The following PTPRD variants were observed in gnomAD, a reference collection of about 807,000 sequenced individuals.
The protein encoded by PTPRD is protein tyrosine phosphatase receptor type D.
A neutral mutation model predicts 214.5 loss-of-function variants in PTPRD; 34 were observed. That is an observed-to-expected ratio of 0.16 (90% CI 0.12 to 0.21). PTPRD has a LOEUF of 0.21. Among genes scored for constraint, PTPRD ranks in the 10% least tolerant of loss-of-function variants. The probability of loss-of-function intolerance (pLI) is 1.00; values close to 1 mark genes in which losing one functional copy is unlikely to be tolerated. For missense variants in PTPRD, 2,545 were observed against 2,398.7 expected, an observed-to-expected ratio of 1.06 and a Z score of -1.27; for synonymous variants, 1,128 against 845.7, an observed-to-expected ratio of 1.33 and a Z score of -5.79.
At chr9:9,601,109 ATATGTGTGTGTGTGTG>A (rs1408707615) in intron 7 of PTPRD, among the ~76,000 whole-genome samples, 6 of 102,052 alleles carry the variant, frequency 5.9e-5, no homozygotes, top group Admixed American at 2.2e-4. Flanking sequence ...AGAGATTAAT[ATATGTGTGTGTGTGTG>A]TGTGTGTGTG....
chr9:10,344,957 C>A (rs1215310616), intron 2 of PTPRD, among the ~76,000 whole-genome samples: 1 of 152,076 alleles, frequency 6.6e-6, no homozygotes, highest in African/African-American at 2.4e-5. Context: ...TATTATAAAT[C>A]TAAAATCATA....
At chr9:9,012,719 G>T in intron 11 of PTPRD, among the ~76,000 whole-genome samples, 1 of 152,118 alleles carries the variant, frequency 6.6e-6, no homozygotes, top group Admixed American at 6.6e-5. Context: ...GATGCCATAT[G>T]TATGTATTTT....
chr9:8,560,225 C>T (rs1051440227), intron 14 of PTPRD, among the ~76,000 whole-genome samples: 1 of 152,060 alleles, frequency 6.6e-6, no homozygotes, highest in Non-Finnish European at 1.5e-5. Flanking sequence ...AAATCATAAT[C>T]TGTACATGTT....
intron 19 of PTPRD, among the ~76,000 whole-genome samples, chr9:8,523,116 G>A (rs2097922883): frequency 6.6e-6 from 1 of 152,094 alleles, no homozygotes; most frequent in African/African-American, 2.4e-5. Context: ...CAAGAAAAAT[G>A]GAGGAGAGTT....
At chr9:9,635,418 T>C (rs16929947) in intron 7 of PTPRD, among the ~76,000 whole-genome samples, 2,733 of 152,286 alleles carry the variant, frequency 0.018, 77 homozygotes, top group African/African-American at 0.063. Flanking sequence ...TTGTAAGGTC[T>C]AGTGCTTCCT....
chr9:9,052,168 C>T (rs1452415042), intron 10 of PTPRD, among the ~76,000 whole-genome samples: 1 of 152,120 alleles, frequency 6.6e-6, no homozygotes, highest in African/African-American at 2.4e-5. Context: ...TCCCACATGG[C>T]AGAAGGGGCA....
chr9:10,398,407 A>G (rs2098212899), intron 2 of PTPRD, among the ~76,000 whole-genome samples: 1 of 151,698 alleles, frequency 6.6e-6, no homozygotes, highest in Non-Finnish European at 1.5e-5. Context: ...ATCTATATAT[A>G]TATTTGTATA....
At chr9:9,599,023 G>A (rs975103743) in intron 7 of PTPRD, among the ~76,000 whole-genome samples, 1 of 151,940 alleles carries the variant, frequency 6.6e-6, no homozygotes, top group Admixed American at 6.6e-5. Flanking sequence ...CTAGAAAAAT[G>A]GATGATACAA....
At chr9:9,730,246 A>ATC (rs2154441180) in intron 7 of PTPRD, among the ~76,000 whole-genome samples, 1 of 152,282 alleles carries the variant, frequency 6.6e-6, no homozygotes, top group East Asian at 1.9e-4. Context: ...ACATGAATTT[A>ATC]ATTTGCAAGT....
chr9:8,741,086 T>C (rs1424075033), intron 11 of PTPRD, among the ~76,000 whole-genome samples: 4 of 152,158 alleles, frequency 2.6e-5, no homozygotes, highest in African/African-American at 9.7e-5. Context: ...TGGCTTTACA[T>C]TGGAAGCACA....
intron 44 of PTPRD, among the ~76,000 whole-genome samples, chr9:8,324,108 T>C (rs1831157762): frequency 6.6e-6 from 1 of 151,792 alleles, no homozygotes; most frequent in Admixed American, 6.6e-5. Flanking sequence ...AGCATTTTTT[T>C]TTTTTTTTAA....
chr9:8,924,290 C>T (rs2098848828), intron 11 of PTPRD, among the ~76,000 whole-genome samples: 1 of 152,092 alleles, frequency 6.6e-6, no homozygotes, highest in Non-Finnish European at 1.5e-5. Flanking sequence ...CCTTAACAAG[C>T]ACTATTTCAA....
intron 9 of PTPRD, among the ~76,000 whole-genome samples, chr9:9,346,529 G>C (rs376395491): frequency 2.0e-5 from 3 of 152,176 alleles, no homozygotes; most frequent in African/African-American, 7.2e-5. Context: ...TGAAAAGATG[G>C]AAGATTTATT....
intron 3 of PTPRD, among the ~76,000 whole-genome samples, chr9:10,307,176 C>T (rs570578825): frequency 8.1e-5 from 12 of 148,882 alleles, no homozygotes; most frequent in African/African-American, 2.6e-4. Flanking sequence ...TTCCTTCTAT[C>T]GAAATGTATG....
chr9:9,847,249 T>C (rs2059707528), intron 5 of PTPRD, among the ~76,000 whole-genome samples: 1 of 152,140 alleles, frequency 6.6e-6, no homozygotes, highest in African/African-American at 2.4e-5. Flanking sequence ...CAAAAGTGAT[T>C]ACTTTGTTAT....
intron 7 of PTPRD, among the ~76,000 whole-genome samples, chr9:9,685,094 AG>A (rs989802340): frequency 9.9e-5 from 15 of 151,514 alleles, no homozygotes; most frequent in African/African-American, 3.6e-4. Context: ...AAAATATGAA[AG>A]TATAAATTTA....
intron 11 of PTPRD, among the ~76,000 whole-genome samples, chr9:8,897,913 G>A (rs999038664): frequency 2.6e-5 from 4 of 152,130 alleles, no homozygotes; most frequent in East Asian, 1.9e-4. Flanking sequence ...GAACCTTAGC[G>A]AAAAGCAAAT....
intron 35 of PTPRD, among the ~76,000 whole-genome samples, chr9:8,430,256 T>A (rs1217013915): frequency 2.0e-5 from 3 of 151,610 alleles, no homozygotes; most frequent in Non-Finnish European, 4.4e-5. Context: ...GGGATGCCCA[T>A]TAATTTTTTT....
chr9:10,523,114 T>A (rs562559573), intron 2 of PTPRD, among the ~76,000 whole-genome samples: 2 of 152,164 alleles, frequency 1.3e-5, no homozygotes, highest in South Asian at 4.1e-4. Flanking sequence ...TTCTCTGTGG[T>A]TGAAAAATAA....
Sources: allele counts gnomAD v4.1 joint callset (sites outside exome capture counted in the v4.1 genomes callset), GRCh38; gene constraint gnomAD v4.1.1; transcripts MANE v1.5; gene names NCBI Gene and HGNC (gene_info 2026-07-23, HGNC 2026-07-21).